Variants in NPSR1 observed in about 807,000 individuals in gnomAD.
NPSR1 encodes the protein neuropeptide S receptor.
NPSR1 carries 48 observed loss-of-function variants against 46.9 expected under a neutral mutation model. That is an observed-to-expected ratio of 1.02 (90% CI 0.81 to 1.30). The LOEUF (loss-of-function observed/expected upper bound fraction) is 1.30, where lower values mean the gene tolerates loss of function less well. Among genes scored for constraint, NPSR1 ranks in the 50% most tolerant of loss-of-function variants. The pLI is 0.00. For missense variants in NPSR1, 450 were observed against 449.5 expected (o/e 1.00, Z -0.01); for synonymous variants, 176 against 168.1 (o/e 1.05, Z -0.36).
At chr7:34,678,916 A>G (rs1369723045) in intron 1 of NPSR1, among the ~76,000 whole-genome samples, 2 of 152,212 alleles carry the variant, frequency 1.3e-5, no homozygotes, top group Non-Finnish European at 2.9e-5. Context: ...AAAGAGAAGT[A>G]TGTTATACTA....
At chr7:34,684,028 A>G (rs1232525276) in intron 1 of NPSR1, among the ~76,000 whole-genome samples, 4 of 152,174 alleles carry the variant, frequency 2.6e-5, no homozygotes, top group Non-Finnish European at 5.9e-5. Flanking sequence ...TTTGCTATGT[A>G]TATAATTTTA....
In NPSR1 at chr7:34,825,835, A is replaced by T. The variant is rs571086657; in HGVS notation, c.479-1566A>T. Among the ~76,000 whole-genome samples the T allele has an allele frequency of 9.2e-5, 14 of 152,208 alleles. No individual in the cohort carries two copies. The South Asian group carries it at 2.7e-3, about 29-fold the overall frequency. ...TTCCCTGTACCCCAGCTCCAGAGAG[A>T]CCCCAATGTGGATAGCAACCTGGGG... is the stretch of plus-strand genomic sequence containing the variant. On this transcript the variant is annotated intron_variant, in intron 4 of 8. Coordinates refer to ENST00000360581, the MANE Select transcript of NPSR1 (RefSeq NM_207172.2).
In NPSR1 at chr7:34,671,859, G is replaced by A. The variant is rs34987523; in HGVS notation, c.148-12693G>A. On this transcript the variant is annotated intron_variant, in intron 1 of 8. Coordinates refer to ENST00000360581, the MANE Select transcript of NPSR1 (RefSeq NM_207172.2). ...TTGGCTACTTGATTTTGAGTCTCCC[G>A]GATGGATTTTAAATACCAGGTCCAA... Among the ~76,000 whole-genome samples the A allele has an allele frequency of 4.7e-3, 709 of 151,552 alleles. 4 individuals carry two copies. Among genetic ancestry groups the A allele is most frequent in the African/African-American group, 0.016 (654 of 41,002 alleles).
intron 1 of NPSR1, among the ~76,000 whole-genome samples, chr7:34,677,655 G>A (rs1015448700): frequency 2.6e-5 from 4 of 152,116 alleles, no homozygotes; most frequent in Non-Finnish European, 4.4e-5. Flanking sequence ...CTGAGGGAGG[G>A]GCCAACAGAT....
At chr7:34,676,855 T>C (rs1212204875) in intron 1 of NPSR1, among the ~76,000 whole-genome samples, 1 of 152,106 alleles carries the variant, frequency 6.6e-6, no homozygotes, top group African/African-American at 2.4e-5. Flanking sequence ...AAGGTGAGAT[T>C]ATCTTCCAAC....
At position 34,705,480 on chromosome 7, in the gene NPSR1, T is replaced by G. The variant is rs1794059499; in HGVS notation, c.280+20796T>G. Among the ~76,000 whole-genome samples the G allele has an allele frequency of 4.6e-5, 7 of 151,716 alleles. No homozygotes were observed. In the South Asian group the frequency reaches 1.5e-3, roughly 32 times the overall value. On this transcript the variant is annotated intron_variant, in intron 2 of 8. Transcript: ENST00000360581. ...GAGAAAAGAAAAGCCTTTCACACTT[T>G]CTCTCATCTTTTAGTATTTTTGATC...
intron 2 of NPSR1, among the ~76,000 whole-genome samples, chr7:34,767,064 A>C (rs149556808): frequency 1.1e-3 from 172 of 152,294 alleles, no homozygotes; most frequent in Admixed American, 3.2e-3. Context: ...ACTGTTCTCT[A>C]TCCCGACTGT....
At position 34,698,965 on chromosome 7, in the gene NPSR1, T is replaced by C. The variant is rs567400359; in HGVS notation, c.280+14281T>C. On this transcript the variant is annotated intron_variant, in intron 2 of 8. Coordinates refer to ENST00000360581, the MANE Select transcript of NPSR1 (RefSeq NM_207172.2). ...CAAATGATGGAAAGTGTAACCCATA[T>C]AACCCGAAATCTTCATGATTTTCAG... Among the ~76,000 whole-genome samples the C allele has an allele frequency of 5.3e-5, 8 of 152,316 alleles. 1 individual carries two copies. The highest frequency in any genetic ancestry group is 6.8e-3 in the Middle Eastern group (2 of 294).
In NPSR1 at chr7:34,849,603, A is replaced by G. The variant is rs201655084; in HGVS notation, c.1064A>G (p.Glu355Gly). The change falls in exon 9 of 9, where the codon GAG becomes GGG. Residue 355 changes from glutamate to glycine, a missense_variant. Physicochemically the swap from Glu to Gly is moderately conservative, Grantham distance 98. Transcript: ENST00000360581. ...CAGGATTCCAGAATGACGTTCCGGG[A>G]GAGAACTGAGAGGCATGAGATGCAG... ...RSQDSRMTFR[E>G]RTERHEMQIL... 4 of 1,614,092 alleles carry G rather than the reference A, an allele frequency of 2.5e-6. No individual in the cohort carries two copies. The highest frequency in any genetic ancestry group is 3.4e-6 in the Non-Finnish European group (4 of 1,180,000).
At chr7:34,716,489 T>C (rs1232098230) in intron 2 of NPSR1, among the ~76,000 whole-genome samples, 7 of 152,178 alleles carry the variant, frequency 4.6e-5, no homozygotes. Flanking sequence ...TGGGAGATCT[T>C]GCAAGTTAAT....
At chr7:34,867,163 A>G (rs1046096358) in intron 8 of NPSR1, among the ~76,000 whole-genome samples, 1 of 151,802 alleles carries the variant, frequency 6.6e-6, no homozygotes, top group African/African-American at 2.4e-5. Flanking sequence ...AATGTCTCTA[A>G]GAAAGGGAGT....
intron 2 of NPSR1, among the ~76,000 whole-genome samples, chr7:34,725,224 A>G (rs1784083432): frequency 6.6e-6 from 1 of 152,176 alleles, no homozygotes; most frequent in Admixed American, 6.5e-5. Flanking sequence ...GAAATCACAT[A>G]TATTCCAAGA....
At chr7:34,691,609 AC>A (rs1447962634) in intron 2 of NPSR1, among the ~76,000 whole-genome samples, 3 of 152,212 alleles carry the variant, frequency 2.0e-5, no homozygotes, top group Non-Finnish European at 2.9e-5. Flanking sequence ...CAATAAAAAA[AC>A]AAGACAAAGA....
chr7:34,803,540 G>C (rs1161151873), intron 3 of NPSR1, among the ~76,000 whole-genome samples: 1 of 151,838 alleles, frequency 6.6e-6, no homozygotes, highest in African/African-American at 2.4e-5. Flanking sequence ...ACACAGGAAG[G>C]GGAACATCAC....
chr7:34,845,748 CTTATA>C (rs1446987192), intron 7 of NPSR1, among the ~76,000 whole-genome samples: 2 of 152,134 alleles, frequency 1.3e-5, no homozygotes, highest in Non-Finnish European at 2.9e-5. Flanking sequence ...TTTTGTGTTA[CTTATA>C]TTATCACCAA....
intron 2 of NPSR1, among the ~76,000 whole-genome samples, chr7:34,714,918 T>G (rs1457679654): frequency 6.6e-6 from 1 of 152,246 alleles, no homozygotes; most frequent in East Asian, 1.9e-4. Context: ...ATCTCCCATC[T>G]CAGCCCAGCA....
chr7:34,677,633 A>G (rs570117924), intron 1 of NPSR1, among the ~76,000 whole-genome samples: 101 of 152,306 alleles, frequency 6.6e-4, no homozygotes, highest in Admixed American at 1.7e-3. Context: ...GGTGTAGAGT[A>G]GGTAAGACAT....
At chr7:34,726,611 A>T (rs1469128511) in intron 2 of NPSR1, among the ~76,000 whole-genome samples, 1 of 152,222 alleles carries the variant, frequency 6.6e-6, no homozygotes, top group African/African-American at 2.4e-5. Flanking sequence ...AAGCAACCAA[A>T]ATGTCCTCAG....
At chr7:34,782,000 C>T (rs1423187429) in intron 3 of NPSR1, among the ~76,000 whole-genome samples, 3 of 152,172 alleles carry the variant, frequency 2.0e-5, no homozygotes, top group Admixed American at 6.6e-5. Flanking sequence ...CTAATTTATA[C>T]GTATACTATT....
Sources: gnomAD v4.1 joint callset for allele counts (sites outside exome capture counted in the v4.1 genomes callset) on GRCh38, gnomAD v4.1.1 for gene constraint, MANE v1.5 for transcripts, NCBI Gene and HGNC (gene_info 2026-07-23, HGNC 2026-07-21) for gene names.